Variants in EREG observed in about 807,000 individuals in gnomAD.
EREG encodes proepiregulin.
Under a neutral mutation model 22.4 loss-of-function variants are expected in EREG, and 23 were observed. That is an observed-to-expected ratio of 1.03 (90% CI 0.74 to 1.46). The LOEUF (loss-of-function observed/expected upper bound fraction) is 1.46, where lower values mean the gene tolerates loss of function less well. EREG is among the 40% of genes most tolerant of loss of function. EREG has a pLI of 0.00. For synonymous variants in EREG, 100 were observed against 75.4 expected (o/e 1.33, Z -1.69); for missense variants, 226 against 205.9 (o/e 1.10, Z -0.60).
At chr4:74,379,627 A>T (rs1037126911) in intron 2 of EREG, 93 bp downstream of exon 2, 28 of 718,864 alleles carry the variant, frequency 3.9e-5, no homozygotes, top group Middle Eastern at 2.6e-4. Context: ...ATAATTTTTT[A>T]AAAAAGGGTA....
chr4:74,378,290 C>T (rs868797860), intron 1 of EREG, among the ~76,000 whole-genome samples: 4 of 152,248 alleles, frequency 2.6e-5, no homozygotes, highest in Middle Eastern at 3.4e-3. Flanking sequence ...CTAGTTATCA[C>T]GCACCCTAGG....
Position 74,365,189 on chromosome 4 carries a change from G to C in EREG, c.-120G>C. 1.4e-6 allele frequency: 1 copy of C among 723,440 alleles called. No homozygotes were observed. The highest frequency in any genetic ancestry group is 2.4e-6 in the Non-Finnish European group (1 of 418,588). The allele number at this position is 723,440 out of a possible 1,614,324, so 44.8% of individuals were successfully genotyped here. ...TGTCAGAGGGACACAGCCAACGTGG[G>C]GTCCCTTCTAGGCTGACAGCCGCTC... is the stretch of plus-strand genomic sequence containing the variant. On this transcript the variant is annotated 5_prime_UTR_variant, in exon 1 of 5. Coordinates refer to ENST00000244869, the MANE Select transcript of EREG (RefSeq NM_001432.3).
chr4:74,382,658 TA>T lies in EREG; in HGVS notation c.293del (p.Tyr98LeufsTer11). ...SQNYCRCEVG[Y>X]TGVRCEHFFL... ...ATTTTCCTTCAGGTGTGAAGTGGGT[TA>T]TACTGGTGTCCGATGTGAACACTTC... On this transcript the variant is annotated frameshift_variant, in exon 4 of 5. Transcript: ENST00000244869. LOFTEE classifies it high-confidence loss of function. The T allele has an allele frequency of 6.2e-7, 1 of 1,607,854 alleles. No homozygotes were observed. Among genetic ancestry groups the T allele is most frequent in the Non-Finnish European group, 8.5e-7 (1 of 1,177,818 alleles).
At chr4:74,381,267 C>A in intron 3 of EREG, 130 bp downstream of exon 3, 2 of 738,892 alleles carry the variant, frequency 2.7e-6, no homozygotes, top group Non-Finnish European at 4.4e-6. Context: ...ACCTACCCCT[C>A]AAATAGTGTG....
intron 1 of EREG, among the ~76,000 whole-genome samples, chr4:74,366,412 A>T (rs1251948320): frequency 6.6e-6 from 1 of 152,276 alleles, no homozygotes; most frequent in East Asian, 1.9e-4. Flanking sequence ...TGAAATGCAT[A>T]CTATGCATAA....
At chr4:74,366,096 G>A (rs1464153744) in intron 1 of EREG, among the ~76,000 whole-genome samples, 1 of 152,004 alleles carries the variant, frequency 6.6e-6, no homozygotes, top group Non-Finnish European at 1.5e-5. Flanking sequence ...TGATCGCTGA[G>A]GGTATTTAAA....
At chr4:74,381,353 A>G (rs1376474731) in intron 3 of EREG, 4 of 455,560 alleles carry the variant, frequency 8.8e-6, no homozygotes, top group African/African-American at 4.0e-5. Context: ...TCCAGAGTCT[A>G]TTACTCCACT....
chr4:74,366,684 G>C (rs57682115), intron 1 of EREG, among the ~76,000 whole-genome samples: 2,511 of 152,276 alleles, frequency 0.016, 47 homozygotes, highest in African/African-American at 0.044. Context: ...TGTTCTGGGT[G>C]TTTCATTGAA....
At chr4:74,380,489 T>A (rs1223474788) in intron 2 of EREG, among the ~76,000 whole-genome samples, 1 of 152,170 alleles carries the variant, frequency 6.6e-6, no homozygotes, top group Non-Finnish European at 1.5e-5. Flanking sequence ...ATCAGAGATA[T>A]TGGGAGACTG....
chr4:74,381,124 C>A lies in EREG; in HGVS notation c.265C>A (p.Gln89Lys). ...GQCIYLVDMS[Q>K]NYCRCEVGYT... Reference sequence around the variant, plus strand: ...GTGCATCTATCTGGTGGACATGAGTCAAAACTACTGCAGGTAATATGTCAG... The same window carrying A: ...GTGCATCTATCTGGTGGACATGAGTAAAAACTACTGCAGGTAATATGTCAG... Residue 89 changes from glutamine to lysine, a missense_variant, in exon 3 of 5, where the codon CAA becomes AAA. Transcript: ENST00000244869. 6.2e-7 allele frequency: 1 copy of A among 1,611,864 alleles called. No homozygotes were observed. Among genetic ancestry groups the A allele is most frequent in the South Asian group, 1.1e-5 (1 of 90,436 alleles).
At chr4:74,384,401 AAG>A (rs1273845710) in intron 4 of EREG, among the ~76,000 whole-genome samples, 2 of 152,206 alleles carry the variant, frequency 1.3e-5, no homozygotes, top group Admixed American at 6.5e-5. Context: ...AGGAAAAAGA[AAG>A]AGAGACAGAA....
chr4:74,368,536 C>A (rs546338141), intron 1 of EREG, among the ~76,000 whole-genome samples: 1 of 151,986 alleles, frequency 6.6e-6, no homozygotes, highest in South Asian at 2.1e-4. Flanking sequence ...ACTGTGAGAA[C>A]GTAAATGTAT....
Position 74,384,751 on chromosome 4 carries a change from A to G in EREG, c.453A>G (p.Glu151=), listed in dbSNP as rs1191376193. 1 of 1,612,826 alleles carries G rather than the reference A, an allele frequency of 6.2e-7. No homozygotes were observed. Among genetic ancestry groups the G allele is most frequent in the East Asian group, 2.2e-5 (1 of 44,860 alleles). The stretch of plus-strand genomic sequence containing the variant: ...GGTACAGAAATCGAAAAAGTAAAGA[A>G]CCAAAGAAGGAATATGAGAGAGTTA... The part of the protein sequence containing the change: ...CRWYRNRKSK[E]PKKEYERVTS... The change falls in exon 5 of 5, where the codon GAA becomes GAG. Residue 151 remains glutamate (E), a synonymous_variant. Coordinates refer to ENST00000244869, the MANE Select transcript of EREG (RefSeq NM_001432.3).
chr4:74,376,256 G>T (rs1752381366), intron 1 of EREG, among the ~76,000 whole-genome samples: 1 of 152,198 alleles, frequency 6.6e-6, no homozygotes, highest in Admixed American at 6.5e-5. Context: ...TTTATGCAAA[G>T]GATAGAGAAA....
intron 1 of EREG, among the ~76,000 whole-genome samples, chr4:74,367,813 G>T (rs1752212318): frequency 1.3e-5 from 2 of 152,106 alleles, no homozygotes; most frequent in Non-Finnish European, 2.9e-5. Flanking sequence ...ACCACCTTCT[G>T]CACAGTCTTG....
chr4:74,365,665 C>CTTT (rs370338402), intron 1 of EREG, among the ~76,000 whole-genome samples: 10,826 of 138,934 alleles, frequency 0.078, 886 homozygotes, highest in African/African-American at 0.2. Flanking sequence ...GTTGAAAAAG[C>CTTT]TTTTTTTTTT....
At chr4:74,369,690 T>C (rs1752257813) in intron 1 of EREG, among the ~76,000 whole-genome samples, 1 of 152,158 alleles carries the variant, frequency 6.6e-6, no homozygotes, top group South Asian at 2.1e-4. Context: ...CACATCTTTA[T>C]ATATGTAAGT....
chr4:74,375,513 T>C (rs1752366534), intron 1 of EREG, among the ~76,000 whole-genome samples: 2 of 148,120 alleles, frequency 1.4e-5, no homozygotes, highest in African/African-American at 2.5e-5. Context: ...GTATTTTTAA[T>C]AGAGACGGGG....
chr4:74,369,081 C>T (rs1346495181), intron 1 of EREG, among the ~76,000 whole-genome samples: 1 of 151,980 alleles, frequency 6.6e-6, no homozygotes, highest in Non-Finnish European at 1.5e-5. Flanking sequence ...GATAATTGTC[C>T]AGAAAAAAAT....
Sources: allele counts gnomAD v4.1 joint callset (sites outside exome capture counted in the v4.1 genomes callset), GRCh38; gene constraint gnomAD v4.1.1; transcripts MANE v1.5; gene names NCBI Gene and HGNC (gene_info 2026-07-23, HGNC 2026-07-21).